MYRF: variants seen among roughly 807,000 people sequenced by gnomAD.
MYRF encodes the protein myelin regulatory factor, also known as myelin gene regulatory factor.
In MYRF, 16 loss-of-function variants were observed where a neutral mutation model predicts 126.3. That is an observed-to-expected ratio of 0.13 (90% confidence interval 0.09 to 0.19). MYRF has a LOEUF of 0.19. MYRF is among the 10% of genes least tolerant of loss of function. The pLI is 1.00. For synonymous variants in MYRF, 608 were observed against 635.3 expected (o/e 0.96, Z 0.65); for missense variants, 1,104 against 1,547.0 (o/e 0.71, Z 4.80).
chr11:61,766,307 A>C (rs1413656441), intron 3 of MYRF, 86 bp downstream of exon 3: 3 of 1,408,868 alleles, frequency 2.1e-6, no homozygotes, highest in Non-Finnish European at 2.8e-6. Flanking sequence ...GAGGTGCTAG[A>C]CACTGGCCTG....
intron 22 of MYRF, chr11:61,782,890 A>T (rs796090057): frequency 2.6e-5 from 4 of 152,720 alleles, no homozygotes; most frequent in African/African-American, 9.6e-5. Context: ...GCAAATGTTC[A>T]GCGGCCCCAG....
At chr11:61,780,451 GT>G (rs1402341226) in intron 18 of MYRF, among the ~76,000 whole-genome samples, 161 bp downstream of exon 18, 1 of 152,166 alleles carries the variant, frequency 6.6e-6, no homozygotes, top group Non-Finnish European at 1.5e-5. Flanking sequence ...TCCTTGGAGG[GT>G]GGGCAGCCTT....
chr11:61,765,905 C>T (rs2066043338), intron 2 of MYRF, 53 bp from the exon 3 acceptor site: 2 of 1,464,944 alleles, frequency 1.4e-6, no homozygotes, highest in Non-Finnish European at 1.8e-6. Flanking sequence ...GCGGCTACTT[C>T]CCTGCTGGGG....
At chr11:61,779,809 C>T (rs951277016) in intron 16 of MYRF, 33 bp from the exon 17 acceptor site, 1 of 1,602,590 alleles carries the variant, frequency 6.2e-7, no homozygotes, top group African/African-American at 1.3e-5. Context: ...GCCTGGCCCT[C>T]TTTGCATTTG....
chr11:61,772,839 C>T (rs1234255978), intron 7 of MYRF, among the ~76,000 whole-genome samples: 2 of 152,188 alleles, frequency 1.3e-5, no homozygotes, highest in African/African-American at 4.8e-5. Flanking sequence ...AGGTGGTGAG[C>T]CCAGGCCTTT....
intron 1 of MYRF, chr11:61,754,446 C>A (rs1216527588): frequency 6.6e-6 from 1 of 152,428 alleles, no homozygotes; most frequent in African/African-American, 2.4e-5. Context: ...GGTTTGAGAC[C>A]TTCAGGGAAG....
In MYRF at chr11:61,771,638, A is replaced by G; in HGVS notation, c.879A>G (p.Pro293=). Residue 293 remains proline (P), a synonymous_variant, in exon 6 of 27, where the codon CCA becomes CCG. Transcript: ENST00000278836. ...TALPLHPTRA[P]SPPWPPQGPL... Reference sequence around the variant, plus strand: ...TGCCTCTGCACCCCACTCGAGCCCCATCGCCACCCTGGCCTCCCCAGGGTC... The same window carrying G: ...TGCCTCTGCACCCCACTCGAGCCCCGTCGCCACCCTGGCCTCCCCAGGGTC... 6.2e-7 allele frequency: 1 copy of G among 1,613,910 alleles called. No homozygotes were observed. Among genetic ancestry groups the G allele is most frequent in the Non-Finnish European group, 8.5e-7 (1 of 1,179,982 alleles).
Position 61,780,772 on chromosome 11 carries a change from G to C in MYRF, c.2466G>C (p.Gly822=), listed in dbSNP as rs1334932471. Residue 822 remains glycine (G), a synonymous_variant, in exon 19 of 27, where the codon GGG becomes GGC. Coordinates refer to ENST00000278836, the MANE Select transcript of MYRF (RefSeq NM_001127392.3). ...LALLRPQPPG[G]SEALCPWSSQ... ...TGCTCCGGCCCCAGCCCCCTGGGGG[G>C]AGTGAGGCCTTGTGCCCATGGTACG... is the stretch of plus-strand genomic sequence containing the variant. 6.5e-7 allele frequency: 1 copy of C among 1,546,848 alleles called. No homozygotes were observed. Among genetic ancestry groups the C allele is most frequent in the South Asian group, 1.2e-5 (1 of 84,110 alleles).
chr11:61,779,800 C>T (rs1301104220), intron 16 of MYRF, 42 bp from the exon 17 acceptor site: 1 of 1,575,078 alleles, frequency 6.3e-7, no homozygotes. Context: ...ACAGCCTCAG[C>T]CTGGCCCTCT....
At position 61,778,113 on chromosome 11, in the gene MYRF, C is replaced by T. The variant is rs1351740360; in HGVS notation, c.1904-267C>T. On this transcript the variant is annotated intron_variant, in intron 13 of 26. Coordinates refer to ENST00000278836, the MANE Select transcript of MYRF (RefSeq NM_001127392.3). The surrounding 1 kb of genome is among the most constrained non-coding windows in gnomAD (Gnocchi z 4.6). ...CGCGCTAGATGAATCCTACCTTTAA[C>T]CTGCCAGAATACTACCCACTTGCCC... 1.3e-5 allele frequency among the ~76,000 whole-genome samples: 2 copies of T among 152,182 alleles called. No homozygotes were observed. The highest frequency in any genetic ancestry group is 2.9e-5 in the Non-Finnish European group (2 of 68,022).
At chr11:61,773,004 CTT>C (rs144470023) in intron 7 of MYRF, among the ~76,000 whole-genome samples, 119,378 of 130,712 alleles carry the variant, frequency 0.91, 54,867 homozygotes, top group East Asian at 0.99. Flanking sequence ...AACAGTTGCT[CTT>C]TTTTTTTTTT....
chr11:61,758,095 G>A (rs543711028), intron 1 of MYRF, among the ~76,000 whole-genome samples: 1 of 152,202 alleles, frequency 6.6e-6, no homozygotes, highest in Non-Finnish European at 1.5e-5. Flanking sequence ...TGGAGTGAGG[G>A]GGGGAGGGGC....
rs748174896 is a variant in MYRF at position 61,766,168 on chromosome 11, G to T, written c.345G>T (p.Pro115=). The T allele has an allele frequency of 1.9e-6, 3 of 1,611,600 alleles. No homozygotes were observed. The highest frequency in any genetic ancestry group is 1.7e-6 in the Non-Finnish European group (2 of 1,179,602). ...NGMGAAPKPF[P]GGTGPPIKAE... ...TGGGCGCTGCCCCCAAGCCCTTCCCGGGGGGCACCGGGCCCCCCATCAAGG... is the reference window on the plus strand; with the variant it reads ...TGGGCGCTGCCCCCAAGCCCTTCCCTGGGGGCACCGGGCCCCCCATCAAGG... Residue 115 remains proline (P), a synonymous_variant, in exon 3 of 27, where the codon CCG becomes CCT. Transcript: ENST00000278836.
chr11:61,776,204 G>T lies in MYRF; in HGVS notation c.1388+72G>T, dbSNP rs1005326330. 29 of 1,589,926 alleles carry T rather than the reference G, an allele frequency of 1.8e-5. No homozygotes were observed. The Admixed American group carries it at 4.0e-4, about 22-fold the overall frequency. On this transcript the variant is annotated intron_variant, in intron 9 of 26. Coordinates refer to ENST00000278836, the MANE Select transcript of MYRF (RefSeq NM_001127392.3). The surrounding 1 kb of genome is among the most constrained non-coding windows in gnomAD (Gnocchi z 4.3). ...CTAAAGCTGGCTTGGGAATGGAGGG[G>T]CCAGGGAGGTACCCAGGGTGTCCGC...
chr11:61,753,014 C>A (rs1352594355), intron 1 of MYRF, among the ~76,000 whole-genome samples: 2 of 152,114 alleles, frequency 1.3e-5, no homozygotes, highest in African/African-American at 2.4e-5. Context: ...CCTCAACTCG[C>A]AGCTTCCTTG....
At chr11:61,769,174 G>T in intron 3 of MYRF, 86 bp from the exon 4 acceptor site, 1 of 761,204 alleles carries the variant, frequency 1.3e-6, no homozygotes, top group South Asian at 1.7e-5. Context: ...GGGGGGCTGT[G>T]GGACCCTACC....
At chr11:61,763,424 G>A (rs1028279371) in intron 1 of MYRF, among the ~76,000 whole-genome samples, 7 of 152,314 alleles carry the variant, frequency 4.6e-5, no homozygotes, top group African/African-American at 1.2e-4. Context: ...TGTCATCATC[G>A]CCATGATGAG....
At chr11:61,779,125 G>A in intron 14 of MYRF, 138 bp from the exon 15 acceptor site, 1 of 936,846 alleles carries the variant, frequency 1.1e-6, no homozygotes, top group South Asian at 1.7e-5. Flanking sequence ...CGCCCAGGTA[G>A]GGAGACTTTG....
chr11:61,777,342 C>A lies in MYRF; in HGVS notation c.1669C>A (p.His557Asn), dbSNP rs376716711. 2.5e-6 allele frequency: 4 copies of A among 1,613,582 alleles called. No homozygotes were observed. The African/African-American group carries it at 4.0e-5, about 16-fold the overall frequency. ...RAQVPDTVFHHGRVGINTDRP... is the reference protein window; with the variant it reads ...RAQVPDTVFHNGRVGINTDRP... ...ACAGGTGCCCGACACCGTCTTCCAC[C>A]ACGGCCGCGTGGGCATCAACACAGA... The change falls in exon 12 of 27, where the codon CAC (histidine) becomes AAC (asparagine). Residue 557 changes from histidine (H) to asparagine (N), a missense_variant. Coordinates refer to ENST00000278836, the MANE Select transcript of MYRF (RefSeq NM_001127392.3). This position sits in a 1 kb window ranked among gnomAD's most constrained non-coding sequence, Gnocchi z 8.8.
Sources: gnomAD v4.1 joint callset for allele counts (sites outside exome capture counted in the v4.1 genomes callset) on GRCh38, gnomAD v4.1.1 for gene constraint, Gnocchi (gnomAD v3.1) non-coding constraint, MANE v1.5 for transcripts, NCBI Gene and HGNC (gene_info 2026-07-23, HGNC 2026-07-21) for gene names.